Variants in TLR8 observed in about 807,000 individuals in gnomAD.
TLR8 encodes toll-like receptor 8.
Under a neutral mutation model 18.5 loss-of-function variants are expected in TLR8, and 5 were observed. The observed-to-expected ratio is 0.27, with a 90% CI of 0.14 to 0.57. TLR8 has a LOEUF of 0.57. Among genes scored for constraint, TLR8 ranks in the 20% least tolerant of loss-of-function variants. The probability of loss-of-function intolerance (pLI) is 0.92; values close to 1 mark genes in which losing one functional copy is unlikely to be tolerated. For missense variants in TLR8, 543 were observed against 769.8 expected, an observed-to-expected ratio of 0.71 and a Z score of 3.49; for synonymous variants, 299 against 300.1, an observed-to-expected ratio of 1.00 and a Z score of 0.04.
At position 12,919,873 on chromosome X, in the gene TLR8, T is replaced by C; in HGVS notation, c.833T>C (p.Ile278Thr). ...TGTGATGGTGGTGCTTCAATTAATA[T>C]AGATCGTTTTGCTTTTCAAAACTTG... is the stretch of plus-strand genomic sequence containing the variant. ...VPCDGGASIN[I>T]DRFAFQNLTQ... is the part of the protein sequence containing the mutation. Residue 278 changes from isoleucine (I) to threonine (T), a missense_variant, in exon 2 of 2, where the codon ATA becomes ACA. By Grantham distance (89) the Ile-to-Thr change is moderately conservative. Around this residue, in one of 4 missense-constraint regions of TLR8, gnomAD observed 185 missense variants for 298.9 expected, o/e 0.62. Coordinates refer to ENST00000218032, the MANE Select transcript of TLR8 (RefSeq NM_138636.5). The C allele has an allele frequency of 8.3e-7, 1 of 1,211,720 alleles. No homozygotes were observed. The highest frequency in any genetic ancestry group is 1.1e-6 in the Non-Finnish European group (1 of 895,487).
intron 1 of TLR8, among the ~76,000 whole-genome samples, 191 bp downstream of exon 1, chrX:12,906,900 G>A (rs774245341): frequency 6.0e-4 from 67 of 112,433 alleles, no homozygotes; most frequent in African/African-American, 2.1e-3. Context: ...TTGTGCACAC[G>A]TTAGTATAAA....
rs1394232783 is a variant in TLR8 at position 12,921,983 on chromosome X, G to C, written c.2943G>C (p.Glu981Asp). ...NMDVIIFILL[E>D]PVLQHSQYLR... is the part of the protein sequence containing the mutation. ...ATGTGATTATATTTATCCTGCTGGA[G>C]CCAGTGTTACAGCATTCTCAGTATT... Residue 981 changes from glutamate to aspartate, a missense_variant, in exon 2 of 2, where the codon GAG becomes GAC. Transcript: ENST00000218032. 8.3e-7 allele frequency: 1 copy of C among 1,209,611 alleles called. No individual in the cohort carries two copies. The highest frequency in any genetic ancestry group is 1.7e-5 in the African/African-American group (1 of 57,239).
At chrX:12,910,523 T>C in intron 1 of TLR8, 1 of 1,025,009 alleles carries the variant, frequency 9.8e-7, no homozygotes, top group Non-Finnish European at 1.3e-6. Flanking sequence ...GAATTTATTT[T>C]AGTCTCACAT....
chrX:12,916,156 GA>G (rs1185369343), intron 1 of TLR8, among the ~76,000 whole-genome samples: 1 of 111,775 alleles, frequency 8.9e-6, no homozygotes, highest in Non-Finnish European at 1.9e-5. Context: ...CTTCTTTATG[GA>G]AATCTTCCCC....
At chrX:12,915,663 C>A (rs2043049797) in intron 1 of TLR8, among the ~76,000 whole-genome samples, 1 of 112,612 alleles carries the variant, frequency 8.9e-6, no homozygotes, top group African/African-American at 3.2e-5. Flanking sequence ...CCTACCATGG[C>A]AAACATGAAA....
rs1324187137 is a variant in TLR8, at chrX:12,922,764, T to C, written c.*598T>C. 8.9e-6 allele frequency: 1 copy of C among 112,030 alleles called. No individual in the cohort carries two copies. The highest frequency in any genetic ancestry group is 3.3e-5 in the African/African-American group (1 of 30,755). The allele number at this position is 112,030 out of a possible 1,213,427, so 9.2% of individuals were successfully genotyped here. ...TGCTGTCCTGGGATGGCCTGCTATC[T>C]TGATGATAGATTGTGAATATCAGGA... On this transcript the variant is annotated 3_prime_UTR_variant, in exon 2 of 2. Transcript: ENST00000218032.
intron 1 of TLR8, among the ~76,000 whole-genome samples, chrX:12,909,969 ATC>A (rs1211127830): frequency 3.6e-5 from 4 of 112,069 alleles, no homozygotes; most frequent in African/African-American, 1.3e-4. Context: ...GTCAGGACCC[ATC>A]TCTTTAATGA....
chrX:12,917,729 T>C (rs2043065069), intron 1 of TLR8, among the ~76,000 whole-genome samples: 1 of 112,415 alleles, frequency 8.9e-6, no homozygotes. Context: ...TGAGGGTGCA[T>C]AAAAATATAA....
rs915691659 is a variant in TLR8, at chrX:12,919,353, G to A, written c.313G>A (p.Gly105Arg). 2.1e-5 allele frequency: 25 copies of A among 1,209,484 alleles called. No individual in the cohort carries two copies. The highest frequency in any genetic ancestry group is 2.7e-5 in the Non-Finnish European group (24 of 895,059). ...NHNPNVQHQNGNPGIQSNGLN... is the reference protein window; with the variant it reads ...NHNPNVQHQNRNPGIQSNGLN... ...CAACCCCAATGTACAGCACCAGAAC[G>A]GAAATCCCGGTATACAATCAAATGG... The change falls in exon 2 of 2, where the codon GGA becomes AGA. Residue 105 changes from glycine to arginine, a missense_variant. By Grantham distance (125) the Gly-to-Arg change is moderately radical. Around this residue, in one of 4 missense-constraint regions of TLR8, gnomAD observed 117 missense variants for 111.0 expected, o/e 1.05. Transcript: ENST00000218032.
intron 1 of TLR8, among the ~76,000 whole-genome samples, chrX:12,914,454 G>A (rs1387567674): frequency 1.8e-5 from 2 of 110,852 alleles, no homozygotes; most frequent in Non-Finnish European, 3.8e-5. Flanking sequence ...CTGCCTACTG[G>A]ACACCTCTAC....
chrX:12,908,721 A>G (rs1311523600), intron 1 of TLR8, among the ~76,000 whole-genome samples: 1 of 112,699 alleles, frequency 8.9e-6, no homozygotes, highest in Non-Finnish European at 1.9e-5. Context: ...TTAGGTGGCT[A>G]GAAATGCTCC....
chrX:12,922,449 A>T lies in TLR8; in HGVS notation c.*283A>T. 3.3e-6 allele frequency: 1 copy of T among 300,339 alleles called. No individual in the cohort carries two copies. The allele number at this position is 300,339 out of a possible 1,213,427, so 24.8% of individuals were successfully genotyped here. ...TTCTGGATTCAATTCCTCCTGGGCT[A>T]TTGGCCAAAGGCTATACTCATGTAA... On this transcript the variant is annotated 3_prime_UTR_variant, in exon 2 of 2. Coordinates refer to ENST00000218032, the MANE Select transcript of TLR8 (RefSeq NM_138636.5).
In TLR8 at chrX:12,919,672, A is replaced by G. The variant is rs1201227810; in HGVS notation, c.632A>G (p.Asn211Ser). ...TTGGAGTTGCTATCACTATCTTTCA[A>G]TTCTCTTTCACACGTGCCACCCAAA... Reference protein sequence around the residue: ...TNLELLSLSFNSLSHVPPKLP... With the variant: ...TNLELLSLSFSSLSHVPPKLP... The change falls in exon 2 of 2, where the codon AAT (asparagine) becomes AGT (serine). Residue 211 changes from asparagine to serine, a missense_variant. Asn to Ser is a conservative substitution (Grantham distance 46). Coordinates refer to ENST00000218032, the MANE Select transcript of TLR8 (RefSeq NM_138636.5). 1 of 1,209,556 alleles carries G rather than the reference A, an allele frequency of 8.3e-7. No individual in the cohort carries two copies. Among genetic ancestry groups the G allele is most frequent in the African/African-American group, 1.8e-5 (1 of 57,071 alleles).
intron 1 of TLR8, among the ~76,000 whole-genome samples, chrX:12,914,806 C>T (rs886415331): frequency 3.6e-5 from 4 of 111,849 alleles, no homozygotes; most frequent in Non-Finnish European, 5.6e-5. Flanking sequence ...CATGGTGCCA[C>T]CCTGCTTAAA....
In TLR8 at chrX:12,919,930, C is replaced by A; in HGVS notation, c.890C>A (p.Thr297Asn). The A allele has an allele frequency of 8.3e-7, 1 of 1,211,458 alleles. No homozygotes were observed. The highest frequency in any genetic ancestry group is 1.1e-6 in the Non-Finnish European group (1 of 895,217). ...CTTCGATACCTAAACCTCTCTAGCA[C>A]TTCCCTCAGGAAGATTAATGCTGCC... is the stretch of plus-strand genomic sequence containing the variant. ...TQLRYLNLSS[T>N]SLRKINAAWF... Residue 297 changes from threonine to asparagine, a missense_variant, in exon 2 of 2, where the codon ACT becomes AAT. Thr to Asn is a moderately conservative substitution (Grantham distance 65). Coordinates refer to ENST00000218032, the MANE Select transcript of TLR8 (RefSeq NM_138636.5).
intron 1 of TLR8, among the ~76,000 whole-genome samples, chrX:12,912,753 C>T (rs1602451056): frequency 8.9e-6 from 1 of 112,853 alleles, no homozygotes; most frequent in East Asian, 2.8e-4. Flanking sequence ...AATGTTCTGG[C>T]CATTTTCATG....
rs758187059 is a variant in TLR8, at chrX:12,921,904, A to C, written c.2864A>C (p.Asn955Thr). The part of the protein sequence containing the change: ...VLTKKYAKSW[N>T]FKTAFYLALQ... The stretch of plus-strand genomic sequence containing the variant: ...ACCAAAAAATATGCAAAAAGCTGGA[A>C]CTTTAAAACAGCTTTTTACTTGGCT... Residue 955 changes from asparagine to threonine, a missense_variant, in exon 2 of 2, where the codon AAC becomes ACC. Transcript: ENST00000218032. 26 of 1,211,344 alleles carry C rather than the reference A, an allele frequency of 2.1e-5. 1 individual carries two copies. In the South Asian group the frequency reaches 4.6e-4, roughly 21 times the overall value.
At chrX:12,909,400 C>A (rs759156445) in intron 1 of TLR8, among the ~76,000 whole-genome samples, 26 of 112,218 alleles carry the variant, frequency 2.3e-4, no homozygotes, top group Middle Eastern at 4.2e-3. Flanking sequence ...ATTGGACACC[C>A]CTGCTATAAG....
chrX:12,908,866 C>T (rs2043002282), intron 1 of TLR8, among the ~76,000 whole-genome samples: 2 of 112,111 alleles, frequency 1.8e-5, no homozygotes. Flanking sequence ...TCATTCTCCT[C>T]TTTCAATCAC....
Sources: allele counts gnomAD v4.1 joint callset (sites outside exome capture counted in the v4.1 genomes callset), GRCh38; gene constraint gnomAD v4.1.1; regional missense constraint gnomAD v4.1.1; transcripts MANE v1.5; gene names NCBI Gene and HGNC (gene_info 2026-07-23, HGNC 2026-07-21).